Variants in EPB41L3 observed in about 807,000 individuals in gnomAD.
EPB41L3 encodes band 4.1-like protein 3.
EPB41L3 carries 57 observed loss-of-function variants against 127.1 expected under a neutral mutation model. The ratio of observed to expected loss-of-function variants is 0.45; its 90% CI spans 0.36 to 0.56. The LOEUF (loss-of-function observed/expected upper bound fraction) is 0.56. EPB41L3 is among the 20% of genes least tolerant of loss of function. The pLI, the probability that EPB41L3 is intolerant of heterozygous loss-of-function variation, is 0.00. For missense variants in EPB41L3, 1,273 were observed against 1,372.2 expected, an observed-to-expected ratio of 0.93 and a Z score of 1.14; for synonymous variants, 572 against 549.5, an observed-to-expected ratio of 1.04 and a Z score of -0.57.
intron 13 of EPB41L3, among the ~76,000 whole-genome samples, chr18:5,413,579 G>C (rs1353543325): frequency 6.6e-6 from 1 of 152,314 alleles, no homozygotes; most frequent in East Asian, 1.9e-4. Context: ...AGTGCTTGAG[G>C]CCTAGAGATT....
chr18:5,396,378 AAC>A, intron 18 of EPB41L3, 46 bp from the exon 19 acceptor site: 1 of 1,611,414 alleles, frequency 6.2e-7, no homozygotes, highest in Non-Finnish European at 8.5e-7. Context: ...AGTTTGCATG[AAC>A]ACATTGTTTT....
At chr18:5,531,196 G>T (rs911551992) in intron 1 of EPB41L3, among the ~76,000 whole-genome samples, 1 of 152,178 alleles carries the variant, frequency 6.6e-6, no homozygotes, top group Non-Finnish European at 1.5e-5. Flanking sequence ...GTTTCTGAGA[G>T]GTTCACTGAT....
intron 3 of EPB41L3, among the ~76,000 whole-genome samples, chr18:5,554,182 T>C (rs1048393452): frequency 6.6e-5 from 10 of 152,230 alleles, no homozygotes; most frequent in Admixed American, 4.6e-4. Flanking sequence ...TTTTTTCCCA[T>C]GACCTAACAT....
intron 3 of EPB41L3, among the ~76,000 whole-genome samples, chr18:5,578,060 C>T (rs1272327312): frequency 6.6e-6 from 1 of 152,082 alleles, no homozygotes; most frequent in East Asian, 1.9e-4. Flanking sequence ...GCAAAGAGGG[C>T]CAGTTCCAAC....
chr18:5,403,796 T>C (rs2074919297), intron 16 of EPB41L3, among the ~76,000 whole-genome samples: 1 of 152,140 alleles, frequency 6.6e-6, no homozygotes, highest in Non-Finnish European at 1.5e-5. Context: ...GAAGTAGGCT[T>C]TATTATAAAA....
Position 5,604,429 on chromosome 18 carries a change from G to A in EPB41L3, c.-306+7911C>T, listed in dbSNP as rs189997049. Among the ~76,000 whole-genome samples, 259 of 152,128 alleles carry A rather than the reference G, an allele frequency of 1.7e-3. 1 individual carries two copies. The highest frequency in any genetic ancestry group is 5.6e-3 in the South Asian group (27 of 4,812). ...TTTAAAAGTCATACCTTTTTATTCA[G>A]AGAGAAATCCATTTTATTAAAAACC... is the stretch of plus-strand genomic sequence containing the variant. On this transcript the variant is annotated intron_variant, in intron 3 of 21. Coordinates refer to the EPB41L3 transcript ENST00000545076.
At chr18:5,511,797 C>T (rs112610743) in intron 1 of EPB41L3, among the ~76,000 whole-genome samples, 1 of 151,550 alleles carries the variant, frequency 6.6e-6, no homozygotes, top group Non-Finnish European at 1.5e-5. Flanking sequence ...AATACTGCAA[C>T]CTTCCAGACG....
At chr18:5,473,200 T>C (rs575452027) in intron 3 of EPB41L3, among the ~76,000 whole-genome samples, 18 of 152,176 alleles carry the variant, frequency 1.2e-4, no homozygotes, top group Admixed American at 5.9e-4. Context: ...CCTGGAATAC[T>C]AGCCCAGCAT....
chr18:5,605,474 G>A (rs2094640617), intron 3 of EPB41L3, among the ~76,000 whole-genome samples: 2 of 152,068 alleles, frequency 1.3e-5, no homozygotes, highest in South Asian at 4.1e-4. Flanking sequence ...AATCTCCCAG[G>A]CTCAAGCAAT....
At chr18:5,473,815 T>C (rs2086617742) in intron 3 of EPB41L3, among the ~76,000 whole-genome samples, 1 of 152,228 alleles carries the variant, frequency 6.6e-6, no homozygotes, top group Non-Finnish European at 1.5e-5. Context: ...AGTGATTTTG[T>C]TGGCATACAT....
rs2072606260 is a variant in EPB41L3 at position 5,392,661 on chromosome 18, GAA to G, written c.*822_*823del. 6.6e-6 allele frequency: 1 copy of G among 152,552 alleles called. No homozygotes were observed. Among genetic ancestry groups the G allele is most frequent in the South Asian group, 2.1e-4 (1 of 4,816 alleles). The allele number at this position is 152,552 out of a possible 1,614,324, so 9.4% of individuals were successfully genotyped here. The stretch of plus-strand genomic sequence containing the variant: ...TACACGGCACGGAAAAAGTAACTAA[GAA>G]AACAAAGCCACAGGAAGCCCAGCAG... On this transcript the variant is annotated 3_prime_UTR_variant, in exon 23 of 23. Coordinates refer to ENST00000341928, the MANE Select transcript of EPB41L3 (RefSeq NM_012307.5).
chr18:5,477,654 A>G (rs994750250), intron 3 of EPB41L3, among the ~76,000 whole-genome samples: 1 of 152,162 alleles, frequency 6.6e-6, no homozygotes, highest in African/African-American at 2.4e-5. Context: ...GTCTTGACAA[A>G]CATCTCTGAC....
In EPB41L3 at chr18:5,420,151, G is replaced by A. The variant is rs552215736; in HGVS notation, c.1340-274C>T. On this transcript the variant is annotated intron_variant, in intron 11 of 22. Transcript: ENST00000341928. ...AAAATTCGTGAAATGCTCATGTCTT[G>A]GAATTTCATCTATCCTCAGACTCTC... The A allele has an allele frequency of 4.0e-4, 219 of 552,586 alleles. 1 individual carries two copies. In the African/African-American group the frequency reaches 4.0e-3, roughly 10 times the overall value. The allele number at this position is 552,586 out of a possible 1,614,324, so 34.2% of individuals were successfully genotyped here. A position where few individuals can be genotyped will look rare whatever the true frequency, so the allele number is the denominator to read the frequency against.
intron 1 of EPB41L3, among the ~76,000 whole-genome samples, chr18:5,535,515 G>T (rs935097418): frequency 1.1e-4 from 17 of 152,100 alleles, no homozygotes; most frequent in Non-Finnish European, 1.8e-4. Flanking sequence ...AATTCATCAA[G>T]AATAATTCTC....
At chr18:5,508,766 C>CAAAAA (rs397969769) in intron 1 of EPB41L3, among the ~76,000 whole-genome samples, 32 of 52,538 alleles carry the variant, frequency 6.1e-4, no homozygotes, top group Non-Finnish European at 1.0e-3. Context: ...GACTCCATCT[C>CAAAAA]AAAAAAAAAA....
At chr18:5,603,074 C>T (rs1179559847) in intron 3 of EPB41L3, among the ~76,000 whole-genome samples, 1 of 152,124 alleles carries the variant, frequency 6.6e-6, no homozygotes, top group African/African-American at 2.4e-5. Flanking sequence ...TAGAACCTTG[C>T]TGTTGTAATT....
chr18:5,405,820 C>CAAAAA (rs138889624), intron 16 of EPB41L3, among the ~76,000 whole-genome samples: 1 of 146,710 alleles, frequency 6.8e-6, no homozygotes, highest in Non-Finnish European at 1.5e-5. Context: ...AACTATGTCT[C>CAAAAA]AAAAAAAAAA....
At chr18:5,422,203 C>G (rs1568093443) in intron 11 of EPB41L3, among the ~76,000 whole-genome samples, 1 of 151,896 alleles carries the variant, frequency 6.6e-6, no homozygotes, top group Non-Finnish European at 1.5e-5. Context: ...CTGGATTTAC[C>G]CATGCCACAA....
At chr18:5,595,342 C>G (rs1261486910) in intron 3 of EPB41L3, among the ~76,000 whole-genome samples, 1 of 152,178 alleles carries the variant, frequency 6.6e-6, no homozygotes, top group Non-Finnish European at 1.5e-5. Context: ...GCAGGAGCCA[C>G]AGATTCCACA....
Sources: allele counts gnomAD v4.1 joint callset (sites outside exome capture counted in the v4.1 genomes callset), GRCh38; gene constraint gnomAD v4.1.1; transcripts MANE v1.5; gene names NCBI Gene and HGNC (gene_info 2026-07-23, HGNC 2026-07-21).